LEMD3: variants seen among roughly 807,000 people sequenced by gnomAD.
LEMD3 encodes the protein LEM domain containing 3, also known as inner nuclear membrane protein Man1.
In LEMD3, 33 loss-of-function variants were observed where a neutral mutation model predicts 95.2. That is an observed-to-expected ratio of 0.35 (90% CI 0.26 to 0.46). The LOEUF (loss-of-function observed/expected upper bound fraction) is 0.46, where lower values mean the gene tolerates loss of function less well. LEMD3 is among the 20% of genes least tolerant of loss of function. The probability of loss-of-function intolerance (pLI) is 1.00; values close to 1 mark genes in which losing one functional copy is unlikely to be tolerated. For missense variants in LEMD3, 1,210 were observed against 1,192.8 expected (o/e 1.01, Z -0.21); for synonymous variants, 525 against 474.6 (o/e 1.11, Z -1.38).
chr12:65,187,361 C>G (rs951130794), intron 1 of LEMD3, among the ~76,000 whole-genome samples: 1 of 151,928 alleles, frequency 6.6e-6, no homozygotes, highest in African/African-American at 2.4e-5. Context: ...TGTGTGTGTG[C>G]CTCTGTCTCT....
At chr12:65,202,058 C>A (rs887480196) in intron 1 of LEMD3, among the ~76,000 whole-genome samples, 1 of 146,690 alleles carries the variant, frequency 6.8e-6, no homozygotes, top group Non-Finnish European at 1.5e-5. Flanking sequence ...GTTGCCCAGG[C>A]TGGAGTGCAA....
Position 65,170,387 on chromosome 12 carries a change from A to T in LEMD3, c.791A>T (p.Glu264Val). The T allele has an allele frequency of 6.2e-7, 1 of 1,614,042 alleles. No individual in the cohort carries two copies. Among genetic ancestry groups the T allele is most frequent in the Non-Finnish European group, 8.5e-7 (1 of 1,179,956 alleles). The part of the protein sequence containing the change: ...CRENYSDSEE[E>V]DDDDVASSRQ... ...GAAAACTATTCGGACTCAGAGGAAG[A>T]GGACGACGACGACGTGGCCTCCAGC... is the stretch of plus-strand genomic sequence containing the variant. The change falls in exon 1 of 13, where the codon GAG becomes GTG. Residue 264 changes from glutamate (E) to valine (V), a missense_variant. Transcript: ENST00000308330.
At chr12:65,230,996 C>G (rs1870609371) in intron 4 of LEMD3, among the ~76,000 whole-genome samples, 1 of 151,808 alleles carries the variant, frequency 6.6e-6, no homozygotes, top group Admixed American at 6.6e-5. Context: ...AACTCTGTAG[C>G]CTTTAGAAGA....
chr12:65,216,539 G>A (rs1002582008), intron 3 of LEMD3, among the ~76,000 whole-genome samples: 3 of 151,850 alleles, frequency 2.0e-5, no homozygotes, highest in Non-Finnish European at 4.4e-5. Context: ...CAACTTGTCC[G>A]AAATGGGAAT....
At chr12:65,234,878 A>G (rs1048429427) in intron 4 of LEMD3, among the ~76,000 whole-genome samples, 5 of 152,288 alleles carry the variant, frequency 3.3e-5, no homozygotes, top group South Asian at 2.1e-4. Flanking sequence ...TAAAATTTGT[A>G]TATTTAAAAT....
rs1002822506 is a variant in LEMD3, at chr12:65,235,470, G to A, written c.1696-3032G>A. On this transcript the variant is annotated intron_variant, in intron 4 of 12. Transcript: ENST00000308330. The stretch of plus-strand genomic sequence containing the variant: ...ATACAGTTGGCCCTACGTATACATG[G>A]GTTTTGCATCCATGGATTTAACCAA... Among the ~76,000 whole-genome samples the A allele has an allele frequency of 2.0e-5, 3 of 151,946 alleles. No individual in the cohort carries two copies. The East Asian group carries it at 5.8e-4, about 29-fold the overall frequency.
chr12:65,193,732 C>CTCTGTGTGTG (rs1555193002), intron 1 of LEMD3, among the ~76,000 whole-genome samples: 3 of 129,356 alleles, frequency 2.3e-5, no homozygotes, highest in Non-Finnish European at 3.2e-5. Flanking sequence ...ACATAACTGG[C>CTCTGTGTGTG]TGTGTGTGTG....
At chr12:65,206,081 G>A (rs895817680) in intron 1 of LEMD3, among the ~76,000 whole-genome samples, 2 of 152,160 alleles carry the variant, frequency 1.3e-5, no homozygotes, top group African/African-American at 4.8e-5. Context: ...GTGAAATGCA[G>A]AAGTGTTTGC....
chr12:65,209,160 A>C (rs933670412), intron 1 of LEMD3, among the ~76,000 whole-genome samples: 1 of 152,168 alleles, frequency 6.6e-6, no homozygotes, highest in Admixed American at 6.6e-5. Flanking sequence ...TGTATAACAC[A>C]CGCTCCCTGT....
rs149682763 is a variant in LEMD3 at position 65,230,343 on chromosome 12, T to G, written c.1696-8159T>G. 2.4e-3 allele frequency among the ~76,000 whole-genome samples: 364 copies of G among 152,302 alleles called. 1 individual carries two copies. Among genetic ancestry groups the G allele is most frequent in the Non-Finnish European group, 3.9e-3 (267 of 68,018 alleles). ...ACTTATGTGAAGAATGTCAGTGGTA[T>G]TGTAATAGGGATTGCATTGAATCTA... On this transcript the variant is annotated intron_variant, in intron 4 of 12. Transcript: ENST00000308330.
At chr12:65,230,667 T>C (rs796852045) in intron 4 of LEMD3, among the ~76,000 whole-genome samples, 16 of 152,320 alleles carry the variant, frequency 1.1e-4, no homozygotes, top group African/African-American at 3.6e-4. Context: ...GTGGAACTTT[T>C]AGAGTGTTCC....
intron 4 of LEMD3, among the ~76,000 whole-genome samples, chr12:65,226,305 G>A (rs957257165): frequency 6.6e-6 from 1 of 152,246 alleles, no homozygotes; most frequent in East Asian, 1.9e-4. Context: ...GAGAGTGTCT[G>A]GGAAGTGAGT....
At chr12:65,200,585 C>T (rs1163769466) in intron 1 of LEMD3, among the ~76,000 whole-genome samples, 2 of 152,038 alleles carry the variant, frequency 1.3e-5, no homozygotes, top group Non-Finnish European at 2.9e-5. Flanking sequence ...TTTGCATTTC[C>T]CTGATAACGT....
intron 1 of LEMD3, among the ~76,000 whole-genome samples, chr12:65,172,513 G>A: frequency 6.6e-6 from 1 of 152,116 alleles, no homozygotes; most frequent in East Asian, 1.9e-4. Context: ...CTTAATTACA[G>A]GGGTTGAAAC....
At chr12:65,241,186 G>C (rs1265913994) in intron 9 of LEMD3, 99 bp downstream of exon 9, 1 of 1,004,936 alleles carries the variant, frequency 1.0e-6, no homozygotes, top group Non-Finnish European at 1.5e-6. Flanking sequence ...ATGTATGAAG[G>C]CAAAACTCTC....
At position 65,240,939 on chromosome 12, in the gene LEMD3, T is replaced by C. The variant is rs368699453; in HGVS notation, c.2157T>C (p.Ala719=). 32 of 1,613,972 alleles carry C rather than the reference T, an allele frequency of 2.0e-5. No homozygotes were observed. Among genetic ancestry groups the C allele is most frequent in the Non-Finnish European group, 1.6e-5 (19 of 1,179,950 alleles). Reference sequence around the variant, plus strand: ...AAATGAAGAAAGTCTGGGATAGAGCTGTTGACTTCCTTGCTGCTAATGAGT... The same window carrying C: ...AAATGAAGAAAGTCTGGGATAGAGCCGTTGACTTCCTTGCTGCTAATGAGT... ...RKKMKKVWDR[A]VDFLAANESR... Residue 719 remains alanine (A), a synonymous_variant, in exon 9 of 13, where the codon GCT becomes GCC. Transcript: ENST00000308330.
In LEMD3 at chr12:65,169,763, C is replaced by T; in HGVS notation, c.167C>T (p.Ser56Leu). The change falls in exon 1 of 13, where the codon TCA becomes TTA. Residue 56 changes from serine to leucine, a missense_variant. Transcript: ENST00000308330. ...GAGGAAGAGCAGCAACAGCACCGGT[C>T]AGGGGGCCGCGGCAACAAGACGCGG... ...LREEEQQQHR[S>L]GGRGNKTRNS... 1.9e-6 allele frequency: 3 copies of T among 1,586,754 alleles called. No homozygotes were observed. Among genetic ancestry groups the T allele is most frequent in the Non-Finnish European group, 2.6e-6 (3 of 1,166,134 alleles).
intron 4 of LEMD3, 80 bp downstream of exon 4, chr12:65,218,699 T>A: frequency 1.2e-6 from 1 of 845,450 alleles, no homozygotes; most frequent in South Asian, 1.5e-5. Flanking sequence ...AATCATATGT[T>A]TGATTATTTT....
intron 4 of LEMD3, among the ~76,000 whole-genome samples, chr12:65,230,552 T>C (rs1478612097): frequency 6.6e-6 from 1 of 152,168 alleles, no homozygotes; most frequent in Non-Finnish European, 1.5e-5. Flanking sequence ...CTTTCTTAAT[T>C]TCTTTCTCTG....
Sources: gnomAD v4.1 joint callset for allele counts (sites outside exome capture counted in the v4.1 genomes callset) on GRCh38, gnomAD v4.1.1 for gene constraint, MANE v1.5 for transcripts, NCBI Gene and HGNC (gene_info 2026-07-23, HGNC 2026-07-21) for gene names.